The following TSC1 variants were observed in gnomAD, a reference collection of about 807,000 sequenced individuals.
TSC1 encodes the protein hamartin.
Under a neutral mutation model 124.3 loss-of-function variants are expected in TSC1, and 20 were observed. The observed-to-expected ratio is 0.16, with a 90% confidence interval of 0.11 to 0.23. The LOEUF (loss-of-function observed/expected upper bound fraction) is 0.23. Ranked by LOEUF, TSC1 falls within the 10% of genes least tolerant of loss-of-function variation. The probability of loss-of-function intolerance (pLI) is 1.00; values close to 1 mark genes in which losing one functional copy is unlikely to be tolerated. For synonymous variants in TSC1, 493 were observed against 539.1 expected (o/e 0.91, Z 1.19); for missense variants, 1,124 against 1,448.5 (o/e 0.78, Z 3.64).
At position 132,906,648 on chromosome 9, in the gene TSC1, T is replaced by C; in HGVS notation, c.1438+83A>G. On this transcript the variant is annotated intron_variant, in intron 14 of 22. Transcript: ENST00000298552. This position sits in a 1 kb window ranked among gnomAD's most constrained non-coding sequence, Gnocchi z 4.1. ...CAAGAGAAGAAAAATCCAGCAAGCC[T>C]GTGAGCAATGGCACAAAATCCCAGA... 1.6e-6 allele frequency: 2 copies of C among 1,216,836 alleles called. No individual in the cohort carries two copies. The highest frequency in any genetic ancestry group is 2.4e-6 in the Non-Finnish European group (2 of 842,240). The allele number at this position is 1,216,836 out of a possible 1,614,324, so 75.4% of individuals were successfully genotyped here.
intron 5 of TSC1, among the ~76,000 whole-genome samples, chr9:132,924,154 A>G (rs372184779): frequency 6.6e-6 from 1 of 152,150 alleles, no homozygotes; most frequent in Non-Finnish European, 1.5e-5. Flanking sequence ...TTAACACCCA[A>G]TGGATACTCA....
chr9:132,928,750 G>A lies in TSC1; in HGVS notation c.106+17C>T. 1.2e-6 allele frequency: 2 copies of A among 1,613,624 alleles called. No individual in the cohort carries two copies. The highest frequency in any genetic ancestry group is 8.5e-7 in the Non-Finnish European group (1 of 1,179,874). On this transcript the variant is annotated intron_variant, in intron 3 of 22. Transcript: ENST00000298552. The stretch of plus-strand genomic sequence containing the variant: ...TCTTTCTAGAAGATAAGCTAAAAAG[G>A]ATATTATTTTGCTAACCAGAATTGA...
chr9:132,902,009 G>A lies in TSC1; in HGVS notation c.2392-310C>T, dbSNP rs144826501. On this transcript the variant is annotated intron_variant, in intron 18 of 22. Coordinates refer to ENST00000298552, the MANE Select transcript of TSC1 (RefSeq NM_000368.5). The surrounding 1 kb of genome is among the most constrained non-coding windows in gnomAD (Gnocchi z 5.2). Reference sequence around the variant, plus strand: ...AAGATTCTGAATTTTCGAGGGAGACGCAGCGCCATCTGTTGGACACTCTGT... The same window carrying A: ...AAGATTCTGAATTTTCGAGGGAGACACAGCGCCATCTGTTGGACACTCTGT... 3.0e-4 allele frequency: 100 copies of A among 333,098 alleles called. No homozygotes were observed. In the East Asian group the frequency reaches 5.7e-3, roughly 19 times the overall value. The allele number at this position is 333,098 out of a possible 1,614,324, so 20.6% of individuals were successfully genotyped here.
In TSC1 at chr9:132,913,211, G is replaced by A. The variant is rs186776283; in HGVS notation, c.738-754C>T. Reference sequence around the variant, plus strand: ...GCCTCCCAAAGTGCTGGGATTACAGGCATAAGCCATGACCATGCCCAGCTG... The same window carrying A: ...GCCTCCCAAAGTGCTGGGATTACAGACATAAGCCATGACCATGCCCAGCTG... On this transcript the variant is annotated intron_variant, in intron 8 of 22. Coordinates refer to ENST00000298552, the MANE Select transcript of TSC1 (RefSeq NM_000368.5). Among the ~76,000 whole-genome samples, 504 of 152,240 alleles carry A rather than the reference G, an allele frequency of 3.3e-3. 3 individuals carry two copies. Among genetic ancestry groups the A allele is most frequent in the African/African-American group, 0.012 (481 of 41,548 alleles).
At chr9:132,939,717 T>C (rs147159688) in intron 1 of TSC1, among the ~76,000 whole-genome samples, 29 of 152,328 alleles carry the variant, frequency 1.9e-4, no homozygotes, top group African/African-American at 7.0e-4. Context: ...ACAAGCAAAC[T>C]GTGAGATATC....
intron 8 of TSC1, among the ~76,000 whole-genome samples, chr9:132,917,393 C>T (rs11243934): frequency 0.38 from 57,534 of 151,962 alleles, 13,335 homozygotes; most frequent in South Asian, 0.6. Flanking sequence ...TGCAGTAGCA[C>T]GATCTCGGCT....
rs1844935654 is a variant in TSC1, at chr9:132,894,639, C to T, written c.*1596G>A. On this transcript the variant is annotated 3_prime_UTR_variant, in exon 23 of 23. Coordinates refer to ENST00000298552, the MANE Select transcript of TSC1 (RefSeq NM_000368.5). Reference sequence around the variant, plus strand: ...GCTGGTATAGCTAGGGTGACAGAGTCTCTAACTGTCTAGTCCCCTTTAGTT... The same window carrying T: ...GCTGGTATAGCTAGGGTGACAGAGTTTCTAACTGTCTAGTCCCCTTTAGTT... 4.9e-6 allele frequency: 1 copy of T among 204,924 alleles called. No individual in the cohort carries two copies. The highest frequency in any genetic ancestry group is 2.0e-4 in the South Asian group (1 of 5,064). The allele number at this position is 204,924 out of a possible 1,614,324, so 12.7% of individuals were successfully genotyped here. A position where few individuals can be genotyped will look rare whatever the true frequency, so the allele number is the denominator to read the frequency against.
chr9:132,918,266 T>A (rs989184177), intron 8 of TSC1, among the ~76,000 whole-genome samples: 1 of 152,216 alleles, frequency 6.6e-6, no homozygotes, highest in Admixed American at 6.5e-5. Flanking sequence ...AAAAGCAGAA[T>A]CCTAAGCTGC....
chr9:132,933,444 GT>G (rs60001652), intron 2 of TSC1, among the ~76,000 whole-genome samples: 21,510 of 151,910 alleles, frequency 0.14, 1,570 homozygotes, highest in African/African-American at 0.19. Context: ...AAAAGCTGGG[GT>G]TTTTTTTGTT....
chr9:132,944,795 A>AAG (rs569238693), upstream of TSC1: 222 of 393,624 alleles, frequency 5.6e-4, 2 homozygotes, highest in African/African-American at 4.3e-3. Context: ...ACGAGAAAAA[A>AAG]AGTAAGGAGG....
At chr9:132,907,497 CT>C (rs1346551966) in intron 12 of TSC1, 127 bp from the exon 13 acceptor site, 349 of 797,018 alleles carry the variant, frequency 4.4e-4, no homozygotes, top group Non-Finnish European at 5.2e-4. Context: ...GTTTTCTTTT[CT>C]TTTTTTTTGA....
At chr9:132,922,884 C>A (rs927019601) in intron 6 of TSC1, among the ~76,000 whole-genome samples, 6 of 152,048 alleles carry the variant, frequency 3.9e-5, no homozygotes, top group African/African-American at 9.6e-5. Context: ...AAAAAAAAAA[C>A]CACTGCATTT....
chr9:132,915,511 T>C (rs1846229389), intron 8 of TSC1, among the ~76,000 whole-genome samples: 1 of 152,214 alleles, frequency 6.6e-6, no homozygotes, highest in African/African-American at 2.4e-5. Flanking sequence ...CCAAACATTC[T>C]ATAAAGGCCC....
intron 20 of TSC1, 34 bp downstream of exon 20, chr9:132,900,681 C>T: frequency 6.2e-7 from 1 of 1,613,144 alleles, no homozygotes; most frequent in Non-Finnish European, 8.5e-7. Context: ...AAACGCTTTC[C>T]CCACTAAGGT....
At chr9:132,928,456 A>C (rs534243724) in intron 3 of TSC1, among the ~76,000 whole-genome samples, 25 of 152,202 alleles carry the variant, frequency 1.6e-4, no homozygotes, top group Non-Finnish European at 3.4e-4. Flanking sequence ...TCATATTAAA[A>C]ACCACATATA....
At chr9:132,928,707 G>C (rs1847026159) in intron 3 of TSC1, 60 bp downstream of exon 3, 1 of 1,602,230 alleles carries the variant, frequency 6.2e-7, no homozygotes, top group Non-Finnish European at 8.5e-7. Context: ...GATTCTAGTG[G>C]CTCTAAAGTC....
rs1313866361 is a variant in TSC1 at position 132,893,083 on chromosome 9, C to T, written c.*3152G>A. ...CTCAGAACAGTTTGGACTGTTTCCCCAACCATGTCACATAAGCTTTGGCTC... is the reference window on the plus strand; with the variant it reads ...CTCAGAACAGTTTGGACTGTTTCCCTAACCATGTCACATAAGCTTTGGCTC... On this transcript the variant is annotated 3_prime_UTR_variant, in exon 23 of 23. Transcript: ENST00000298552. 3 of 233,168 alleles carry T rather than the reference C, an allele frequency of 1.3e-5. No homozygotes were observed. Among genetic ancestry groups the T allele is most frequent in the African/African-American group, 2.2e-5 (1 of 45,316 alleles). The allele number at this position is 233,168 out of a possible 1,614,324, so 14.4% of individuals were successfully genotyped here.
intron 2 of TSC1, 108 bp from the exon 3 acceptor site, chr9:132,929,060 T>C: frequency 3.2e-6 from 3 of 941,776 alleles, no homozygotes; most frequent in Non-Finnish European, 4.6e-6. Context: ...AATGGAAAGT[T>C]TGGCCAGAAT....
Position 132,928,789 on chromosome 9 carries a change from G to A in TSC1, c.84C>T (p.Val28=). 6.2e-7 allele frequency: 1 copy of A among 1,614,154 alleles called. No individual in the cohort carries two copies. The highest frequency in any genetic ancestry group is 1.1e-5 in the South Asian group (1 of 91,082). The change falls in exon 3 of 23, where the codon GTC becomes GTT. Residue 28 remains valine (V), a synonymous_variant. Transcript: ENST00000298552. ...AACCAGAATTGAGGTTCTCTTTAAA[G>A]ACAGCTGTCACGTCGTCCCGCACAC... is the stretch of plus-strand genomic sequence containing the variant. ...MLGVRDDVTA[V]FKENLNSDRG...
Sources: allele counts gnomAD v4.1 joint callset (sites outside exome capture counted in the v4.1 genomes callset), GRCh38; gene constraint gnomAD v4.1.1; non-coding constraint Gnocchi (gnomAD v3.1); transcripts MANE v1.5; gene names NCBI Gene and HGNC (gene_info 2026-07-23, HGNC 2026-07-21).